HLCS: variants seen among roughly 807,000 people sequenced by gnomAD.
HLCS encodes biotin--protein ligase.
HLCS carries 53 observed loss-of-function variants against 75.0 expected under a neutral mutation model. That is an observed-to-expected ratio of 0.71 (90% CI 0.57 to 0.89). The LOEUF is 0.89. Among genes scored for constraint, HLCS ranks in the 40% least tolerant of loss-of-function variants. The pLI is 0.00. For synonymous variants in HLCS, 431 were observed against 428.6 expected, an observed-to-expected ratio of 1.01 and a Z score of -0.07; for missense variants, 966 against 1,074.0, an observed-to-expected ratio of 0.90 and a Z score of 1.41.
At chr21:36,762,445 C>T (rs756828130) in intron 8 of HLCS, among the ~76,000 whole-genome samples, 2 of 152,078 alleles carry the variant, frequency 1.3e-5, no homozygotes, top group Non-Finnish European at 2.9e-5. Flanking sequence ...CGGCCCAAGG[C>T]GAGTTCCGGA....
At chr21:36,978,951 G>A (rs2016215) in intron 1 of HLCS, among the ~76,000 whole-genome samples, 48,871 of 151,694 alleles carry the variant, frequency 0.32, 8,496 homozygotes, top group East Asian at 0.5. Context: ...CCGTACTCAG[G>A]GAAAACCAAT....
intron 10 of HLCS, among the ~76,000 whole-genome samples, chr21:36,756,204 C>A (rs544260888): frequency 5.9e-5 from 9 of 151,926 alleles, no homozygotes; most frequent in South Asian, 4.2e-4. Flanking sequence ...TTTGGGAGGC[C>A]AAGGCGGGCA....
At chr21:36,816,982 T>A (rs1190280785) in intron 6 of HLCS, among the ~76,000 whole-genome samples, 1 of 152,144 alleles carries the variant, frequency 6.6e-6, no homozygotes, top group Non-Finnish European at 1.5e-5. Flanking sequence ...AGACTTTCAG[T>A]GGCCAAGATT....
intron 6 of HLCS, among the ~76,000 whole-genome samples, chr21:36,795,354 A>G (rs2060996663): frequency 6.6e-6 from 1 of 152,178 alleles, no homozygotes; most frequent in Non-Finnish European, 1.5e-5. Context: ...ATCCGGAAAC[A>G]CTGAGGTCCC....
At chr21:36,975,565 G>T (rs188493793) in intron 1 of HLCS, among the ~76,000 whole-genome samples, 1 of 152,230 alleles carries the variant, frequency 6.6e-6, no homozygotes, top group East Asian at 1.9e-4. Context: ...TGGCATTCAA[G>T]ACCTTCCACT....
chr21:36,987,884 CTAAG>C (rs753246442), intron 1 of HLCS, among the ~76,000 whole-genome samples: 3 of 152,144 alleles, frequency 2.0e-5, no homozygotes, highest in Non-Finnish European at 2.9e-5. Context: ...TCACTACCAA[CTAAG>C]TGAAGTACAA....
At chr21:36,921,524 T>A (rs761427533) in intron 5 of HLCS, among the ~76,000 whole-genome samples, 4 of 152,206 alleles carry the variant, frequency 2.6e-5, no homozygotes, top group Non-Finnish European at 5.9e-5. Context: ...AGGAGGCAGG[T>A]TGAATTAAAC....
rs375958805 is a variant in HLCS, at chr21:36,908,374, A to G, written c.1621-11243T>C. 2.0e-5 allele frequency among the ~76,000 whole-genome samples: 3 copies of G among 150,902 alleles called. No individual in the cohort carries two copies. The South Asian group carries it at 6.3e-4, about 32-fold the overall frequency. On this transcript the variant is annotated intron_variant, in intron 5 of 10. Coordinates refer to ENST00000674895, the MANE Select transcript of HLCS (RefSeq NM_001352514.2). ...ACTGCACTGACAGCCTGGGCAACAG[A>G]GCAAGATCCTGTCTCTTAAAAAAAA...
At chr21:36,760,143 A>G (rs1326205668) in intron 8 of HLCS, among the ~76,000 whole-genome samples, 1 of 152,182 alleles carries the variant, frequency 6.6e-6, no homozygotes, top group African/African-American at 2.4e-5. Flanking sequence ...GAAGTTCATT[A>G]TGTCAGTATC....
chr21:36,989,956 T>C (rs2069316244), intron 1 of HLCS, among the ~76,000 whole-genome samples: 1 of 152,042 alleles, frequency 6.6e-6, no homozygotes, highest in Non-Finnish European at 1.5e-5. Flanking sequence ...GAGGTCCCTA[T>C]GGCTGCTCCA....
intron 6 of HLCS, among the ~76,000 whole-genome samples, chr21:36,867,355 G>A (rs1195405136): frequency 1.3e-5 from 2 of 152,210 alleles, no homozygotes; most frequent in East Asian, 3.8e-4. Context: ...CTACAACATA[G>A]CTAAACCTCC....
At chr21:36,901,341 G>A (rs1242928089) in intron 5 of HLCS, among the ~76,000 whole-genome samples, 1 of 152,124 alleles carries the variant, frequency 6.6e-6, no homozygotes, top group East Asian at 1.9e-4. Context: ...TCTGCACCAT[G>A]GATATCAATT....
chr21:36,879,378 A>G (rs1380718095), intron 6 of HLCS, among the ~76,000 whole-genome samples: 5 of 152,240 alleles, frequency 3.3e-5, no homozygotes, highest in Non-Finnish European at 7.3e-5. Context: ...GATTGCTTAA[A>G]TAAATTATGA....
chr21:36,757,805 T>C (rs527338825), intron 9 of HLCS, among the ~76,000 whole-genome samples: 20 of 152,346 alleles, frequency 1.3e-4, no homozygotes, highest in African/African-American at 4.6e-4. Flanking sequence ...GTTGCTCACG[T>C]ATTCATTCAT....
chr21:36,851,100 T>C (rs373796811), intron 6 of HLCS, among the ~76,000 whole-genome samples: 1 of 152,174 alleles, frequency 6.6e-6, no homozygotes, highest in African/African-American at 2.4e-5. Flanking sequence ...AAAAAGGTTA[T>C]GAGAGAGAAA....
At chr21:36,955,628 AAT>A (rs1452686511) in intron 2 of HLCS, among the ~76,000 whole-genome samples, 1 of 152,222 alleles carries the variant, frequency 6.6e-6, no homozygotes, top group African/African-American at 2.4e-5. Flanking sequence ...ATAAAGTAAA[AAT>A]ATGATAGTAA....
At chr21:36,767,828 T>C (rs1310654991) in intron 6 of HLCS, among the ~76,000 whole-genome samples, 3 of 152,238 alleles carry the variant, frequency 2.0e-5, no homozygotes, top group Non-Finnish European at 4.4e-5. Context: ...CTATGGTAAA[T>C]AAATCCACAC....
intron 4 of HLCS, 42 bp from the exon 5 acceptor site, chr21:36,930,475 C>T (rs368813489): frequency 1.3e-4 from 184 of 1,461,718 alleles, no homozygotes; most frequent in Middle Eastern, 1.7e-4. Flanking sequence ...AGGGCACTCA[C>T]AGGCAATGAG....
intron 6 of HLCS, among the ~76,000 whole-genome samples, chr21:36,770,073 A>G (rs953463847): frequency 3.3e-5 from 5 of 152,036 alleles, no homozygotes; most frequent in Non-Finnish European, 2.9e-5. Flanking sequence ...TGAAGACTAT[A>G]TAGCAACGTG....
Sources: allele counts gnomAD v4.1 joint callset (sites outside exome capture counted in the v4.1 genomes callset), GRCh38; gene constraint gnomAD v4.1.1; transcripts MANE v1.5; gene names NCBI Gene and HGNC (gene_info 2026-07-23, HGNC 2026-07-21).